The following DNAH11 variants were observed in gnomAD, a reference collection of about 807,000 sequenced individuals.
DNAH11 encodes dynein axonemal heavy chain 11.
DNAH11 carries 442 observed loss-of-function variants against 526.0 expected under a neutral mutation model. The observed-to-expected ratio is 0.84, with a 90% confidence interval of 0.78 to 0.91. DNAH11 has a LOEUF of 0.91. Among genes scored for constraint, DNAH11 ranks in the 40% least tolerant of loss-of-function variants. The pLI is 0.00. For synonymous variants in DNAH11, 2,461 were observed against 1,935.9 expected, an observed-to-expected ratio of 1.27 and a Z score of -7.12; for missense variants, 6,989 against 5,448.7, an observed-to-expected ratio of 1.28 and a Z score of -8.90.
intron 75 of DNAH11, among the ~76,000 whole-genome samples, chr7:21,881,534 C>G (rs1465441366): frequency 6.6e-6 from 1 of 152,126 alleles, no homozygotes; most frequent in East Asian, 1.9e-4. Context: ...GATTGGATTT[C>G]AAAAAGCAAG....
At chr7:21,585,206 G>A (rs983638708) in intron 9 of DNAH11, among the ~76,000 whole-genome samples, 5 of 152,146 alleles carry the variant, frequency 3.3e-5, no homozygotes, top group Non-Finnish European at 7.3e-5. Flanking sequence ...CAGCTTCTGT[G>A]TAGATTGCCT....
chr7:21,724,315 G>A (rs900596759), intron 44 of DNAH11, among the ~76,000 whole-genome samples: 1 of 152,184 alleles, frequency 6.6e-6, no homozygotes, highest in Non-Finnish European at 1.5e-5. Context: ...CATGCATGGG[G>A]TGGTAGAAGG....
chr7:21,543,332 A>G lies in DNAH11; in HGVS notation c.87A>G (p.Ala29=), dbSNP rs1445106476. Residue 29 remains alanine, a synonymous_variant, in exon 1 of 82, where the codon GCA becomes GCG. Coordinates refer to ENST00000409508, the MANE Select transcript of DNAH11 (RefSeq NM_001277115.2). The part of the protein sequence containing the change: ...LRLTSGAGLE[A]VGAVELEEEE... ...TAACCTCGGGGGCCGGCCTGGAGGC[A>G]GTGGGCGCTGTGGAGCTCGAGGAGG... is the stretch of plus-strand genomic sequence containing the variant. 1.3e-6 allele frequency: 2 copies of G among 1,550,880 alleles called. No individual in the cohort carries two copies. Among genetic ancestry groups the G allele is most frequent in the Admixed American group, 2.0e-5 (1 of 50,990 alleles).
At chr7:21,584,042 C>T (rs1025812692) in intron 9 of DNAH11, among the ~76,000 whole-genome samples, 11 of 152,262 alleles carry the variant, frequency 7.2e-5, no homozygotes, top group African/African-American at 2.6e-4. Context: ...GATCTAGAAC[C>T]AGAAATACCA....
chr7:21,733,675 ATTAT>A (rs952838566), intron 45 of DNAH11, among the ~76,000 whole-genome samples: 43 of 152,196 alleles, frequency 2.8e-4, no homozygotes, highest in Non-Finnish European at 5.4e-4. Context: ...ACCAAATGTG[ATTAT>A]TTAATTAACA....
chr7:21,543,700 C>G, intron 1 of DNAH11, 104 bp downstream of exon 1: 1 of 1,297,942 alleles, frequency 7.7e-7, no homozygotes, highest in Middle Eastern at 2.1e-4. Context: ...CACTCGGGCA[C>G]TTTAACAAAC....
intron 57 of DNAH11, among the ~76,000 whole-genome samples, chr7:21,781,140 A>G (rs1787925181): frequency 6.6e-6 from 1 of 152,190 alleles, no homozygotes; most frequent in Non-Finnish European, 1.5e-5. Context: ...ATGCCATACT[A>G]AAGGGGGTGA....
intron 30 of DNAH11, among the ~76,000 whole-genome samples, chr7:21,680,051 CTTAT>C (rs1374596854): frequency 6.6e-6 from 1 of 152,152 alleles, no homozygotes; most frequent in Non-Finnish European, 1.5e-5. Context: ...CTTCTTTGTT[CTTAT>C]TTCATGGAAA....
intron 37 of DNAH11, 40 bp downstream of exon 37, chr7:21,702,842 G>A: frequency 6.4e-7 from 1 of 1,553,292 alleles, no homozygotes; most frequent in South Asian, 1.1e-5. Context: ...GTGAGTAGCT[G>A]GCCTGCTTCA....
chr7:21,813,025 A>G (rs1287221632), intron 63 of DNAH11, among the ~76,000 whole-genome samples: 1 of 152,162 alleles, frequency 6.6e-6, no homozygotes, highest in East Asian at 1.9e-4. Context: ...GTTGTCAGAA[A>G]GTACAACCAT....
In DNAH11 at chr7:21,591,243, T is replaced by C. The variant is rs1784668263; in HGVS notation, c.2333T>C (p.Leu778Pro). 4.4e-6 allele frequency: 7 copies of C among 1,594,278 alleles called. No individual in the cohort carries two copies. Among genetic ancestry groups the C allele is most frequent in the Non-Finnish European group, 6.0e-6 (7 of 1,169,800 alleles). Residue 778 changes from leucine to proline, a missense_variant, in exon 14 of 82, where the codon CTG (leucine) becomes CCG (proline). Physicochemically the swap from Leu to Pro is moderately conservative, Grantham distance 98. Coordinates refer to ENST00000409508, the MANE Select transcript of DNAH11 (RefSeq NM_001277115.2). ...TATAATAAACTCAAACAGACGCTCC[T>C]GGAAGTTGAATACCCTCTGATTGAA... ...QGYNKLKQTL[L>P]EVEYPLIEDE...
intron 29 of DNAH11, among the ~76,000 whole-genome samples, chr7:21,656,686 G>A (rs1782028559): frequency 6.6e-6 from 1 of 152,154 alleles, no homozygotes; most frequent in African/African-American, 2.4e-5. Context: ...TGATGGAATA[G>A]TGTCTAGTGG....
chr7:21,723,022 T>C (rs1784942963), intron 44 of DNAH11, among the ~76,000 whole-genome samples: 1 of 152,164 alleles, frequency 6.6e-6, no homozygotes, highest in Non-Finnish European at 1.5e-5. Flanking sequence ...CACCTTCCCT[T>C]CGCTAATTAA....
intron 8 of DNAH11, among the ~76,000 whole-genome samples, chr7:21,578,110 A>G (rs56249791): frequency 0.92 from 140,714 of 152,222 alleles, 65,179 homozygotes; most frequent in East Asian, 1. Context: ...GAGCAAAGGG[A>G]GAAGTGCCAC....
At chr7:21,603,653 A>G (rs1380704148) in intron 18 of DNAH11, among the ~76,000 whole-genome samples, 2 of 152,254 alleles carry the variant, frequency 1.3e-5, no homozygotes, top group Admixed American at 6.5e-5. Context: ...CTTGCAAGCC[A>G]GTTAGACATG....
intron 28 of DNAH11, among the ~76,000 whole-genome samples, chr7:21,654,012 G>A (rs1032692396): frequency 1.3e-5 from 2 of 152,156 alleles, no homozygotes; most frequent in Non-Finnish European, 2.9e-5. Flanking sequence ...TACAGCAGTG[G>A]CGCCTGTATG....
rs748356037 is a variant in DNAH11, at chr7:21,880,872, CT to C, written c.12367del (p.Tyr4123ThrfsTer2). 6.2e-7 allele frequency: 1 copy of C among 1,608,836 alleles called. No homozygotes were observed. The highest frequency in any genetic ancestry group is 1.1e-5 in the South Asian group (1 of 89,626). On this transcript the variant is annotated frameshift_variant, in exon 75 of 82. Coordinates refer to ENST00000409508, the MANE Select transcript of DNAH11 (RefSeq NM_001277115.2). LOFTEE classifies it high-confidence loss of function. ...CCATTTGTGCCAGTGTCCTCTACAA[CT>C]ACTTAGAGGCAAACTCTAAAGTAAG... Reference protein sequence around the residue: ...LTICASVLYNYLEANSKVPWE... With the variant: ...LTICASVLYNXLEANSKVPWE...
intron 45 of DNAH11, 129 bp from the exon 46 acceptor site, chr7:21,735,511 C>A: frequency 2.5e-6 from 2 of 789,178 alleles, no homozygotes; most frequent in Non-Finnish European, 4.0e-6. Flanking sequence ...CTAATCTGAA[C>A]TATGAATTAT....
intron 35 of DNAH11, among the ~76,000 whole-genome samples, chr7:21,694,182 A>G (rs1783748370): frequency 6.6e-6 from 1 of 151,998 alleles, no homozygotes; most frequent in African/African-American, 2.4e-5. Flanking sequence ...ATTATTTTTT[A>G]AGTTTTATTT....
Sources: gnomAD v4.1 joint callset for allele counts (sites outside exome capture counted in the v4.1 genomes callset) on GRCh38, gnomAD v4.1.1 for gene constraint, MANE v1.5 for transcripts, NCBI Gene and HGNC (gene_info 2026-07-23, HGNC 2026-07-21) for gene names.